The following REXO5 variants were observed in gnomAD, a reference collection of about 807,000 sequenced individuals.
The protein encoded by REXO5 is RNA exonuclease 5.
REXO5 carries 48 observed loss-of-function variants against 88.5 expected under a neutral mutation model. The ratio of observed to expected loss-of-function variants is 0.54; its 90% CI spans 0.43 to 0.69. The LOEUF (loss-of-function observed/expected upper bound fraction) is 0.69, where lower values mean the gene tolerates loss of function less well. REXO5 is among the 30% of genes least tolerant of loss of function. The probability of loss-of-function intolerance (pLI) is 0.00; values close to 1 mark genes in which losing one functional copy is unlikely to be tolerated. For missense variants in REXO5, 749 were observed against 912.2 expected (o/e 0.82, Z 2.30); for synonymous variants, 311 against 336.5 (o/e 0.92, Z 0.83).
At chr16:20,840,595 T>C in intron 15 of REXO5, 127 bp downstream of exon 15, 1 of 734,524 alleles carries the variant, frequency 1.4e-6, no homozygotes, top group Non-Finnish European at 2.1e-6. Flanking sequence ...GTGTGAGACA[T>C]ACTCTAATGA....
chr16:20,844,515 A>C (rs758215432), intron 16 of REXO5, 114 bp from the exon 17 acceptor site: 1 of 852,970 alleles, frequency 1.2e-6, no homozygotes, highest in Non-Finnish European at 1.8e-6. Flanking sequence ...AGAAACGGAA[A>C]ATTTTAGGAA....
At position 20,810,408 on chromosome 16, in the gene REXO5, C is replaced by CT. The variant is rs879424407; in HGVS notation, c.139-2771dup. Among the ~76,000 whole-genome samples the CT allele has an allele frequency of 7.8e-3, 1,140 of 146,696 alleles. 8 individuals carry two copies. Among genetic ancestry groups the CT allele is most frequent in the Middle Eastern group, 0.025 (7 of 278 alleles). ...TCATTCTATTCATTCTAGTTTTCTCCTTTTTTTTTTTCTTTTGAGACAAAA... is the reference window on the plus strand; with the variant it reads ...TCATTCTATTCATTCTAGTTTTCTCCTTTTTTTTTTTTCTTTTGAGACAAAA... On this transcript the variant is annotated intron_variant, in intron 2 of 19. Transcript: ENST00000261377.
chr16:20,806,933 A>T lies in REXO5; in HGVS notation c.-2-19A>T. The T allele has an allele frequency of 6.4e-7, 1 of 1,570,058 alleles. No individual in the cohort carries two copies. The highest frequency in any genetic ancestry group is 1.2e-5 in the South Asian group (1 of 85,652). On this transcript the variant is annotated intron_variant, in intron 1 of 19. Transcript: ENST00000261377. ...GGGGCGCTGGAGTTTCCCCAGCTCT[A>T]CCTCATCTTTCTCCACAGCCATGGA...
At chr16:20,813,073 C>T in intron 2 of REXO5, 117 bp from the exon 3 acceptor site, 1 of 717,878 alleles carries the variant, frequency 1.4e-6, no homozygotes, top group Non-Finnish European at 2.5e-6. Context: ...TTAGCACTTC[C>T]TTATGTTAGA....
At chr16:20,824,164 A>G (rs1816942266) in intron 6 of REXO5, among the ~76,000 whole-genome samples, 1 of 152,210 alleles carries the variant, frequency 6.6e-6, no homozygotes, top group African/African-American at 2.4e-5. Flanking sequence ...TCTCATGAGG[A>G]GGAAAAATTG....
chr16:20,841,745 A>G (rs923481343), intron 15 of REXO5, among the ~76,000 whole-genome samples: 1 of 152,114 alleles, frequency 6.6e-6, no homozygotes, highest in Admixed American at 6.6e-5. Context: ...AGCTGAGACG[A>G]CAGGTATGTG....
At chr16:20,811,279 G>A (rs2080994147) in intron 2 of REXO5, among the ~76,000 whole-genome samples, 1 of 151,978 alleles carries the variant, frequency 6.6e-6, no homozygotes, top group Non-Finnish European at 1.5e-5. Flanking sequence ...GTTTTTATTT[G>A]GTAAAAACAA....
chr16:20,839,865 T>G lies in REXO5; in HGVS notation c.1488+6T>G, dbSNP rs764559819. 7 of 1,550,518 alleles carry G rather than the reference T, an allele frequency of 4.5e-6. No homozygotes were observed. The South Asian group carries it at 7.8e-5, about 17-fold the overall frequency. On this transcript the variant is annotated splice_donor_region_variant and intron_variant, in intron 14 of 19. Coordinates refer to ENST00000261377, the MANE Select transcript of REXO5 (RefSeq NM_030941.3). Reference sequence around the variant, plus strand: ...CTGAGGAGATGAACAAAAGGGTAAGTGAATGGGTTCTGCTGAATGATTTAT... The same window carrying G: ...CTGAGGAGATGAACAAAAGGGTAAGGGAATGGGTTCTGCTGAATGATTTAT...
chr16:20,829,777 T>C (rs1482954964), intron 11 of REXO5, among the ~76,000 whole-genome samples: 2 of 152,226 alleles, frequency 1.3e-5, no homozygotes, highest in East Asian at 2.0e-4. Flanking sequence ...AGATAACTTA[T>C]CTGAGGTCCC....
chr16:20,835,165 ATCTTTCTTTTCTTT>A (rs1172729709), intron 13 of REXO5, among the ~76,000 whole-genome samples: 1 of 149,064 alleles, frequency 6.7e-6, no homozygotes, highest in Admixed American at 6.7e-5. Flanking sequence ...TTCTTTTCTT[ATCTTTCTTTTCTTT>A]TCTTTCTTAT....
intron 5 of REXO5, among the ~76,000 whole-genome samples, chr16:20,818,291 G>T (rs567222704): frequency 3.3e-5 from 5 of 151,936 alleles, no homozygotes; most frequent in African/African-American, 1.2e-4. Context: ...GAGGAATTTT[G>T]TTGGTTTTGT....
chr16:20,819,856 C>G (rs1032773270), intron 5 of REXO5, among the ~76,000 whole-genome samples: 4 of 152,080 alleles, frequency 2.6e-5, no homozygotes, highest in Non-Finnish European at 4.4e-5. Context: ...CTCCTACATT[C>G]AAGCGATCCT....
At chr16:20,811,185 C>A (rs1196050067) in intron 2 of REXO5, among the ~76,000 whole-genome samples, 2 of 152,180 alleles carry the variant, frequency 1.3e-5, no homozygotes, top group Non-Finnish European at 2.9e-5. Context: ...CCAACTCAGG[C>A]TCTTGACATC....
intron 18 of REXO5, among the ~76,000 whole-genome samples, chr16:20,845,802 G>T (rs1019632778): frequency 3.9e-5 from 6 of 152,022 alleles, no homozygotes; most frequent in Non-Finnish European, 8.8e-5. Flanking sequence ...GAGGTAGAAG[G>T]TAAATGGCTG....
At position 20,806,653 on chromosome 16, in the gene REXO5, T is replaced by C; in HGVS notation, c.-55T>C. The C allele has an allele frequency of 8.5e-7, 1 of 1,180,672 alleles. No homozygotes were observed. The highest frequency in any genetic ancestry group is 1.1e-6 in the Non-Finnish European group (1 of 870,384). 73.1% of individuals were successfully genotyped at this position (1,180,672 alleles called of 1,614,324 possible). Reference sequence around the variant, plus strand: ...GCGAAGCCGCTCGGCAGCACCTTCCTTCTTTGCCAGGCAGACGCCCGTTGT... The same window carrying C: ...GCGAAGCCGCTCGGCAGCACCTTCCCTCTTTGCCAGGCAGACGCCCGTTGT... On this transcript the variant is annotated 5_prime_UTR_variant, in exon 1 of 20. Transcript: ENST00000261377.
intron 12 of REXO5, 35 bp from the exon 13 acceptor site, chr16:20,832,965 ACTG>A (rs2081369574): frequency 6.3e-7 from 1 of 1,581,248 alleles, no homozygotes; most frequent in African/African-American, 1.4e-5. Context: ...GTTCTGGAAA[ACTG>A]TTGTTCTTAC....
intron 11 of REXO5, among the ~76,000 whole-genome samples, chr16:20,828,870 G>A (rs1293371782): frequency 6.6e-6 from 1 of 151,810 alleles, no homozygotes; most frequent in Non-Finnish European, 1.5e-5. Context: ...GAGGTTGCGG[G>A]GAGGCAGAGG....
At chr16:20,841,254 CAT>C (rs2081523282) in intron 15 of REXO5, among the ~76,000 whole-genome samples, 1 of 152,056 alleles carries the variant, frequency 6.6e-6, no homozygotes, top group South Asian at 2.1e-4. Flanking sequence ...TCTTCACAGT[CAT>C]AACAATACCA....
intron 12 of REXO5, 123 bp from the exon 13 acceptor site, chr16:20,832,880 A>G (rs750409311): frequency 8.8e-5 from 75 of 853,928 alleles, no homozygotes; most frequent in Non-Finnish European, 1.1e-4. Context: ...ATTTTATTTA[A>G]TTTTAATTTT....
Sources: gnomAD v4.1 joint callset for allele counts (sites outside exome capture counted in the v4.1 genomes callset) on GRCh38, gnomAD v4.1.1 for gene constraint, MANE v1.5 for transcripts, NCBI Gene and HGNC (gene_info 2026-07-23, HGNC 2026-07-21) for gene names.